The following HMGCLL1 variants were observed in gnomAD, a reference collection of about 807,000 sequenced individuals.
The protein encoded by HMGCLL1 is 3-hydroxy-3-methylglutaryl-CoA lyase like 1, also known as 3-hydroxymethyl-3-methylglutaryl-CoA lyase, cytoplasmic.
Under a neutral mutation model 39.1 loss-of-function variants are expected in HMGCLL1, and 36 were observed. The ratio of observed to expected loss-of-function variants is 0.92; its 90% CI spans 0.71 to 1.22. The LOEUF (loss-of-function observed/expected upper bound fraction) is 1.22. Ranked by LOEUF, HMGCLL1 falls within the 50% of genes most tolerant of loss-of-function variation. The pLI is 0.00. For synonymous variants in HMGCLL1, 149 were observed against 144.0 expected, an observed-to-expected ratio of 1.03 and a Z score of -0.25; for missense variants, 451 against 416.5, an observed-to-expected ratio of 1.08 and a Z score of -0.72.
the HMGCLL1 span, among the ~76,000 whole-genome samples, chr6:55,612,319 C>T: frequency 1.8e-4 from 27 of 152,188 alleles, no homozygotes; most frequent in Non-Finnish European, 2.4e-4. Flanking sequence ...AATGGAAAAA[C>T]ATTATATCCT....
the HMGCLL1 span, among the ~76,000 whole-genome samples, chr6:55,673,708 T>C: frequency 6.6e-6 from 1 of 151,952 alleles, no homozygotes; most frequent in Non-Finnish European, 1.5e-5. Context: ...TAAGGGATGA[T>C]GATAATAATA....
chr6:55,509,910 G>A lies in HMGCLL1; in HGVS notation c.542+4138C>T, dbSNP rs189262862. Among the ~76,000 whole-genome samples the A allele has an allele frequency of 3.4e-3, 520 of 151,756 alleles. 2 individuals carry two copies. The highest frequency in any genetic ancestry group is 0.011 in the African/African-American group (470 of 41,410). On this transcript the variant is annotated intron_variant, in intron 5 of 8. Coordinates refer to ENST00000274901, the MANE Select transcript of HMGCLL1 (RefSeq NM_001042406.2). ...ACACCCTAGATTCATTACAGTTCTC[G>A]GAAAATCTGACTCCTTACTTCCTCC...
the HMGCLL1 span, among the ~76,000 whole-genome samples, chr6:55,601,690 G>A: frequency 1.6e-4 from 24 of 151,978 alleles, no homozygotes; most frequent in East Asian, 3.3e-3. Context: ...ATTCACTTTC[G>A]AATTTTAAAA....
At chr6:55,518,744 T>G (rs1226791876) in intron 3 of HMGCLL1, among the ~76,000 whole-genome samples, 1 of 152,132 alleles carries the variant, frequency 6.6e-6, no homozygotes, top group Non-Finnish European at 1.5e-5. Context: ...ATAGTCAGTG[T>G]CACCCCCTAA....
At chr6:55,495,764 TTA>T (rs1766544493) in intron 6 of HMGCLL1, among the ~76,000 whole-genome samples, 157 bp from the exon 7 acceptor site, 1 of 152,202 alleles carries the variant, frequency 6.6e-6, no homozygotes, top group Non-Finnish European at 1.5e-5. Context: ...TTTTCTTTGC[TTA>T]TGATATTCTA....
intron 6 of HMGCLL1, among the ~76,000 whole-genome samples, chr6:55,498,254 T>C (rs1469372769): frequency 1.3e-5 from 2 of 152,082 alleles, no homozygotes; most frequent in Admixed American, 6.6e-5. Context: ...AAAATATATA[T>C]ACAATTGTGA....
chr6:55,502,500 A>G (rs990441930), intron 5 of HMGCLL1, among the ~76,000 whole-genome samples: 1 of 151,590 alleles, frequency 6.6e-6, no homozygotes, highest in Non-Finnish European at 1.5e-5. Context: ...TTACTTTTAC[A>G]ATTTCTATTA....
chr6:55,659,920 A>C, the HMGCLL1 span, among the ~76,000 whole-genome samples: 10 of 151,890 alleles, frequency 6.6e-5, no homozygotes, highest in Middle Eastern at 3.4e-3. Context: ...TGCTCTGAAT[A>C]CATGTCAGAA....
chr6:55,579,739 GA>G (rs1771938377), upstream of HMGCLL1, among the ~76,000 whole-genome samples: 1 of 152,170 alleles, frequency 6.6e-6, no homozygotes, highest in Admixed American at 6.5e-5. Flanking sequence ...GTTAAGCGCT[GA>G]AATGGAACTG....
intron 7 of HMGCLL1, among the ~76,000 whole-genome samples, chr6:55,493,153 G>A (rs1010349844): frequency 2.5e-4 from 38 of 152,018 alleles, no homozygotes; most frequent in African/African-American, 8.4e-4. Context: ...TAACCCATAA[G>A]TATTTGAAAA....
At chr6:55,652,770 G>A in the HMGCLL1 span, among the ~76,000 whole-genome samples, 80 of 152,064 alleles carry the variant, frequency 5.3e-4, no homozygotes, top group African/African-American at 1.8e-3. Flanking sequence ...GGGAAAACAA[G>A]GGCTGCCTTT....
the HMGCLL1 span, among the ~76,000 whole-genome samples, chr6:55,606,124 C>CTCTACT: frequency 2.0e-5 from 3 of 152,030 alleles, no homozygotes; most frequent in African/African-American, 7.2e-5. Context: ...TCTGTAAATC[C>CTCTACT]TCTACTTCTT....
chr6:55,647,699 C>A, the HMGCLL1 span, among the ~76,000 whole-genome samples: 2 of 149,684 alleles, frequency 1.3e-5, no homozygotes, highest in Non-Finnish European at 3.0e-5. Context: ...AATTTTATTC[C>A]CCCATTTTAA....
At chr6:55,556,794 G>C (rs1473738508) in intron 1 of HMGCLL1, among the ~76,000 whole-genome samples, 1 of 152,108 alleles carries the variant, frequency 6.6e-6, no homozygotes, top group Non-Finnish European at 1.5e-5. Context: ...GGGCCAAGTG[G>C]AGACGCTGAG....
the HMGCLL1 span, among the ~76,000 whole-genome samples, chr6:55,644,169 C>T: frequency 5.9e-5 from 9 of 151,968 alleles, no homozygotes; most frequent in African/African-American, 2.2e-4. Context: ...ATGTTGAGCA[C>T]TTTTTCATAT....
the HMGCLL1 span, among the ~76,000 whole-genome samples, chr6:55,612,996 C>G: frequency 6.6e-6 from 1 of 152,070 alleles, no homozygotes; most frequent in Non-Finnish European, 1.5e-5. Context: ...AAGAAACTAC[C>G]ATCCAATTGA....
chr6:55,586,669 T>C, the HMGCLL1 span, among the ~76,000 whole-genome samples: 3 of 151,894 alleles, frequency 2.0e-5, no homozygotes, highest in African/African-American at 7.3e-5. Flanking sequence ...CTTGCGATAG[T>C]TTGCTGGAGA....
At position 55,493,899 on chromosome 6, in the gene HMGCLL1, A is replaced by AT. The variant is rs1007104781; in HGVS notation, c.795+1519dup. On this transcript the variant is annotated intron_variant, in intron 7 of 8. Coordinates refer to ENST00000274901, the MANE Select transcript of HMGCLL1 (RefSeq NM_001042406.2). ...AGGCGCCCACCACCACGCCTGGCTA[A>AT]TTTTTTTGTATTTTTTTAGTAGAGA... 3.3e-5 allele frequency among the ~76,000 whole-genome samples: 5 copies of AT among 151,232 alleles called. No homozygotes were observed. In the East Asian group the frequency reaches 7.8e-4, roughly 24 times the overall value.
the HMGCLL1 span, among the ~76,000 whole-genome samples, chr6:55,618,697 CAGTA>C: frequency 6.6e-6 from 1 of 151,986 alleles, no homozygotes; most frequent in Non-Finnish European, 1.5e-5. Context: ...AAAGTATCTG[CAGTA>C]AGTATGTTAT....
Sources: allele counts gnomAD v4.1 joint callset (sites outside exome capture counted in the v4.1 genomes callset), GRCh38; gene constraint gnomAD v4.1.1; transcripts MANE v1.5; gene names NCBI Gene and HGNC (gene_info 2026-07-23, HGNC 2026-07-21).